Variants in CCDC13 observed in about 807,000 individuals in gnomAD.
CCDC13 encodes coiled-coil domain containing 13.
Under a neutral mutation model 87.3 loss-of-function variants are expected in CCDC13, and 70 were observed. The observed-to-expected ratio is 0.80, with a 90% CI of 0.66 to 0.98. The LOEUF (loss-of-function observed/expected upper bound fraction) is 0.98. CCDC13 is among the 50% of genes least tolerant of loss of function. The pLI, the probability that CCDC13 is intolerant of heterozygous loss-of-function variation, is 0.00. For synonymous variants in CCDC13, 317 were observed against 360.3 expected, an observed-to-expected ratio of 0.88 and a Z score of 1.36; for missense variants, 842 against 892.0, an observed-to-expected ratio of 0.94 and a Z score of 0.71.
rs1368306655 is a variant in CCDC13 at position 42,709,033 on chromosome 3, C to T, written c.2095G>A (p.Val699Met). 2 of 1,613,902 alleles carry T rather than the reference C, an allele frequency of 1.2e-6. No individual in the cohort carries two copies. The highest frequency in any genetic ancestry group is 1.7e-6 in the Non-Finnish European group (2 of 1,179,916). Residue 699 changes from valine (V) to methionine (M), a missense_variant, in exon 16 of 16, where the codon GTG (valine) becomes ATG (methionine). Transcript: ENST00000310232. ...AGGGCCTGCAGGAAGACACTTTTCA[C>T]CTGGCCCAGGATCTCATGGTACATC... ...FRMYHEILGQ[V>M]KSVFLQALRQ...
intron 1 of CCDC13, among the ~76,000 whole-genome samples, chr3:42,767,513 C>T (rs1699953859): frequency 6.6e-6 from 1 of 152,286 alleles, no homozygotes; most frequent in Admixed American, 6.5e-5. Context: ...TTCTTCCCAA[C>T]TTGATCTATA....
chr3:42,726,376 C>G (rs12485678), intron 13 of CCDC13, among the ~76,000 whole-genome samples: 25,355 of 152,056 alleles, frequency 0.17, 2,203 homozygotes, highest in South Asian at 0.25. Flanking sequence ...ATACAGTTAT[C>G]AAAATAGGTT....
intron 9 of CCDC13, 61 bp from the exon 10 acceptor site, chr3:42,735,974 A>G (rs1383969956): frequency 2.0e-6 from 3 of 1,498,778 alleles, no homozygotes; most frequent in Non-Finnish European, 2.7e-6. Context: ...CGGGGAGGAC[A>G]AGAACAGACT....
At chr3:42,761,840 C>A (rs1482790114) in intron 1 of CCDC13, among the ~76,000 whole-genome samples, 1 of 152,170 alleles carries the variant, frequency 6.6e-6, no homozygotes, top group Admixed American at 6.5e-5. Context: ...TCCTTCTCCC[C>A]CCAAGGCTTA....
In CCDC13 at chr3:42,759,149, C is replaced by T. The variant is rs1204424861; in HGVS notation, c.-6-798G>A. Among the ~76,000 whole-genome samples the T allele has an allele frequency of 2.0e-5, 3 of 152,132 alleles. No homozygotes were observed. The East Asian group carries it at 5.8e-4, about 29-fold the overall frequency. On this transcript the variant is annotated intron_variant, in intron 1 of 15. Coordinates refer to ENST00000310232, the MANE Select transcript of CCDC13 (RefSeq NM_144719.4). The stretch of plus-strand genomic sequence containing the variant: ...CAGCCTGTATAACATGGCAAAACCC[C>T]ATCTCTACAAAAAATTGGTTGTGGT...
rs145047440 is a variant in CCDC13 at position 42,709,757 on chromosome 3, C to G, written c.1915G>C (p.Glu639Gln). Reference protein sequence around the residue: ...SNNRHNPTGSEKKDPSFAQLS... With the variant: ...SNNRHNPTGSQKKDPSFAQLS... ...TGGGCAAAGGATGGGTCCTTCTTCT[C>G]GCTCCCGGTTGGGTTGTGCCTGTTG... The change falls in exon 15 of 16, where the codon GAG becomes CAG. Residue 639 changes from glutamate to glutamine, a missense_variant. By Grantham distance (29) the Glu-to-Gln change is conservative. Transcript: ENST00000310232. The G allele has an allele frequency of 6.2e-7, 1 of 1,614,164 alleles. No homozygotes were observed. Among genetic ancestry groups the G allele is most frequent in the Non-Finnish European group, 8.5e-7 (1 of 1,180,012 alleles).
intron 13 of CCDC13, among the ~76,000 whole-genome samples, chr3:42,725,985 G>A (rs890386679): frequency 2.6e-5 from 4 of 152,108 alleles, no homozygotes; most frequent in African/African-American, 9.7e-5. Flanking sequence ...AAGGAGAAAG[G>A]CAAAAATTGT....
chr3:42,728,151 GAC>G (rs1282052677), intron 13 of CCDC13, among the ~76,000 whole-genome samples: 5 of 152,232 alleles, frequency 3.3e-5, no homozygotes, highest in Non-Finnish European at 7.3e-5. Flanking sequence ...ACAACAGGAC[GAC>G]ACACACTGGA....
intron 7 of CCDC13, among the ~76,000 whole-genome samples, chr3:42,744,527 C>T (rs763574837): frequency 4.5e-4 from 69 of 152,156 alleles, no homozygotes; most frequent in Non-Finnish European, 8.1e-4. Context: ...CATACAGGGC[C>T]GGGCGTGGTG....
At chr3:42,720,384 T>C (rs1219272617) in intron 13 of CCDC13, among the ~76,000 whole-genome samples, 1 of 152,230 alleles carries the variant, frequency 6.6e-6, no homozygotes, top group African/African-American at 2.4e-5. Context: ...AGGTAAGGCC[T>C]GGGACACATT....
chr3:42,719,241 A>T (rs1390559343), intron 13 of CCDC13: 1 of 152,134 alleles, frequency 6.6e-6, no homozygotes, highest in East Asian at 1.9e-4. Flanking sequence ...GAAAGCTGAG[A>T]GCAGATGGGA....
Position 42,709,268 on chromosome 3 carries a change from C to T in CCDC13, c.1989-129G>A, listed in dbSNP as rs546131008. On this transcript the variant is annotated intron_variant, in intron 15 of 15. Coordinates refer to ENST00000310232, the MANE Select transcript of CCDC13 (RefSeq NM_144719.4). Reference sequence around the variant, plus strand: ...GGCTCAGGCTTCCCTCTGACCCATCCCCTCCTCTCACTGACTCTTGTGGGT... The same window carrying T: ...GGCTCAGGCTTCCCTCTGACCCATCTCCTCCTCTCACTGACTCTTGTGGGT... The T allele has an allele frequency of 1.5e-5, 14 of 918,330 alleles. No homozygotes were observed. The East Asian group carries it at 3.6e-4, about 24-fold the overall frequency. 56.9% of individuals were successfully genotyped at this position (918,330 alleles called of 1,614,324 possible). A position where few individuals can be genotyped will look rare whatever the true frequency, so the allele number is the denominator to read the frequency against.
chr3:42,749,841 G>A (rs1699526219), intron 5 of CCDC13: 1 of 456,494 alleles, frequency 2.2e-6, no homozygotes. Context: ...GAAGCCCCAA[G>A]CAGAGGGAAG....
intron 5 of CCDC13, among the ~76,000 whole-genome samples, chr3:42,748,071 A>G (rs34025253): frequency 0.17 from 25,651 of 151,988 alleles, 2,235 homozygotes; most frequent in South Asian, 0.25. Flanking sequence ...AACTCTTAGC[A>G]ATGTCTTTTT....
intron 6 of CCDC13, chr3:42,746,926 G>C: frequency 2.3e-6 from 1 of 437,468 alleles, no homozygotes; most frequent in East Asian, 4.9e-5. Flanking sequence ...GATCTACTGG[G>C]GCACAAGTAG....
In CCDC13 at chr3:42,708,048, C is replaced by A. The variant is rs1449932400; in HGVS notation, c.*932G>T. On this transcript the variant is annotated 3_prime_UTR_variant, in exon 16 of 16. Coordinates refer to ENST00000310232, the MANE Select transcript of CCDC13 (RefSeq NM_144719.4). ...CTGTACCTTTGACTGGAGCCACTACCTCAAAACCCTTCTGCCTGAAGCTCC... is the reference window on the plus strand; with the variant it reads ...CTGTACCTTTGACTGGAGCCACTACATCAAAACCCTTCTGCCTGAAGCTCC... Among the ~76,000 whole-genome samples, 1 of 152,130 alleles carries A rather than the reference C, an allele frequency of 6.6e-6. No individual in the cohort carries two copies. The highest frequency in any genetic ancestry group is 6.5e-5 in the Admixed American group (1 of 15,276).
At chr3:42,745,816 C>CT in intron 7 of CCDC13, 107 bp downstream of exon 7, 2 of 805,056 alleles carry the variant, frequency 2.5e-6, no homozygotes, top group Admixed American at 2.5e-5. Context: ...ACCTAAAGGC[C>CT]TTTTTTGGGT....
At chr3:42,744,572 G>C (rs1427134471) in intron 7 of CCDC13, among the ~76,000 whole-genome samples, 1 of 152,084 alleles carries the variant, frequency 6.6e-6, no homozygotes, top group South Asian at 2.1e-4. Context: ...TTGGCAAGCC[G>C]AGGTGGGCGG....
chr3:42,743,167 G>A (rs1001298650), intron 7 of CCDC13, 110 bp from the exon 8 acceptor site: 1 of 1,245,564 alleles, frequency 8.0e-7, no homozygotes, highest in Non-Finnish European at 1.1e-6. Context: ...CTCTCTAGAT[G>A]GCTGTGGTAG....
Sources: allele counts gnomAD v4.1 joint callset (sites outside exome capture counted in the v4.1 genomes callset), GRCh38; gene constraint gnomAD v4.1.1; transcripts MANE v1.5; gene names NCBI Gene and HGNC (gene_info 2026-07-23, HGNC 2026-07-21).